The following STX18 variants were observed in gnomAD, a reference collection of about 807,000 sequenced individuals.
STX18 encodes the protein syntaxin 18.
Under a neutral mutation model 50.1 loss-of-function variants are expected in STX18, and 40 were observed. That is an observed-to-expected ratio of 0.80 (90% CI 0.62 to 1.04). STX18 has a LOEUF of 1.04. Ranked by LOEUF, STX18 falls within the 50% of genes least tolerant of loss-of-function variation. The probability of loss-of-function intolerance (pLI) is 0.00; values close to 1 mark genes in which losing one functional copy is unlikely to be tolerated. For synonymous variants in STX18, 158 were observed against 151.8 expected (o/e 1.04, Z -0.30); for missense variants, 410 against 415.8 (o/e 0.99, Z 0.12).
At position 4,505,916 on chromosome 4, in the gene STX18, T is replaced by C. The variant is rs78529130; in HGVS notation, c.169-34210A>G. ...CGGAGACCATGTGTAAATGGACTTA[T>C]GCAATAAGTGGCCCTTTGTGCCTGT... On this transcript the variant is annotated intron_variant, in intron 1 of 10. Transcript: ENST00000306200. 3.7e-3 allele frequency among the ~76,000 whole-genome samples: 569 copies of C among 152,392 alleles called. 6 individuals carry two copies. Among genetic ancestry groups the C allele is most frequent in the African/African-American group, 0.013 (546 of 41,594 alleles).
intron 8 of STX18, among the ~76,000 whole-genome samples, chr4:4,424,098 C>T (rs892185579): frequency 4.0e-5 from 6 of 150,564 alleles, no homozygotes; most frequent in Non-Finnish European, 8.8e-5. Flanking sequence ...AAAAGCTCCT[C>T]TGATTCATTT....
intron 1 of STX18, among the ~76,000 whole-genome samples, chr4:4,491,064 A>G (rs1367466645): frequency 6.6e-6 from 1 of 152,074 alleles, no homozygotes; most frequent in Non-Finnish European, 1.5e-5. Flanking sequence ...TTGTTCAAAC[A>G]TTCGGCTTAT....
chr4:4,530,641 G>C (rs562718128), intron 1 of STX18, among the ~76,000 whole-genome samples: 3 of 152,214 alleles, frequency 2.0e-5, no homozygotes, highest in African/African-American at 7.2e-5. Flanking sequence ...GTTTTGTTTT[G>C]TTTTTCCTAG....
chr4:4,541,695 C>T, intron 1 of STX18, 102 bp downstream of exon 1: 4 of 1,379,244 alleles, frequency 2.9e-6, no homozygotes, highest in Non-Finnish European at 3.9e-6. Context: ...GAGCCACCCC[C>T]TTCACACAAT....
intron 2 of STX18, 40 bp from the exon 3 acceptor site, chr4:4,459,527 G>A (rs73796011): frequency 0.012 from 17,026 of 1,412,066 alleles, 543 homozygotes; most frequent in African/African-American, 0.11. Flanking sequence ...CAGCAAATGA[G>A]AACATAATAT....
chr4:4,528,666 G>A (rs566633222), intron 1 of STX18, among the ~76,000 whole-genome samples: 5 of 152,250 alleles, frequency 3.3e-5, no homozygotes, highest in East Asian at 1.9e-4. Context: ...TGCATCTTTC[G>A]GATTGAGGCC....
intron 5 of STX18, among the ~76,000 whole-genome samples, chr4:4,456,362 T>C (rs1727073767): frequency 6.6e-6 from 1 of 152,216 alleles, no homozygotes; most frequent in African/African-American, 2.4e-5. Context: ...AAAGCTAGTC[T>C]AGAAATGGTC....
At chr4:4,485,506 TGA>T in intron 1 of STX18, among the ~76,000 whole-genome samples, 1 of 152,274 alleles carries the variant, frequency 6.6e-6, no homozygotes, top group African/African-American at 2.4e-5. Flanking sequence ...TCTTCAGTTG[TGA>T]ATCAGAGGAA....
intron 1 of STX18, among the ~76,000 whole-genome samples, chr4:4,486,374 A>G (rs1261276499): frequency 2.0e-5 from 3 of 152,238 alleles, no homozygotes; most frequent in Non-Finnish European, 4.4e-5. Context: ...TGTCAATAAG[A>G]TGGAGGTAAA....
intron 1 of STX18, among the ~76,000 whole-genome samples, chr4:4,501,148 GA>G (rs2108878360): frequency 6.6e-6 from 1 of 152,296 alleles, no homozygotes; most frequent in South Asian, 2.1e-4. Context: ...ATGCTGTAAT[GA>G]ACATCTTTTT....
chr4:4,489,391 ATTTTTTTTTTTTT>A (rs34563523), intron 1 of STX18, among the ~76,000 whole-genome samples: 275 of 51,654 alleles, frequency 5.3e-3, no homozygotes, highest in South Asian at 0.017. Context: ...ATGCAAAATA[ATTTTTTTTTTTTT>A]TTTTTTTTTT....
chr4:4,460,453 CACAA>C (rs1241803801), intron 2 of STX18, among the ~76,000 whole-genome samples: 4 of 151,878 alleles, frequency 2.6e-5, no homozygotes, highest in African/African-American at 4.8e-5. Flanking sequence ...AAACTTAAGG[CACAA>C]ACAAACAGGG....
At chr4:4,424,506 T>C (rs1052105332) in intron 8 of STX18, among the ~76,000 whole-genome samples, 4 of 152,200 alleles carry the variant, frequency 2.6e-5, no homozygotes, top group African/African-American at 7.2e-5. Flanking sequence ...AGGAGGTCCA[T>C]CTCTGAGGGC....
chr4:4,512,334 A>G (rs1387721307), intron 1 of STX18, among the ~76,000 whole-genome samples: 1 of 151,686 alleles, frequency 6.6e-6, no homozygotes, highest in African/African-American at 2.4e-5. Flanking sequence ...CCTAATTCCA[A>G]TTAAAAAAAA....
Position 4,419,895 on chromosome 4 carries a change from T to A in STX18, c.*139A>T. On this transcript the variant is annotated 3_prime_UTR_variant, in exon 11 of 11. Transcript: ENST00000306200. ...GGTATCCCTTTTTGGGGAATACGTC[T>A]GTCTGTCTGAACTCCTTTCCCTTCA... 2 of 711,512 alleles carry A rather than the reference T, an allele frequency of 2.8e-6. 1 individual carries two copies. Among genetic ancestry groups the A allele is most frequent in the East Asian group, 5.5e-5 (2 of 36,474 alleles). 44.1% of individuals were successfully genotyped at this position (711,512 alleles called of 1,614,324 possible).
intron 5 of STX18, among the ~76,000 whole-genome samples, chr4:4,452,526 G>A (rs1266270491): frequency 3.3e-5 from 5 of 152,160 alleles, no homozygotes; most frequent in Non-Finnish European, 5.9e-5. Flanking sequence ...AGCTGAAGCC[G>A]ATGCTCATTT....
intron 1 of STX18, among the ~76,000 whole-genome samples, chr4:4,516,863 T>G (rs1218626107): frequency 6.6e-6 from 1 of 152,200 alleles, no homozygotes; most frequent in African/African-American, 2.4e-5. Context: ...TATAAATTCA[T>G]AGTGAAAAAC....
intron 1 of STX18, among the ~76,000 whole-genome samples, chr4:4,517,323 C>T (rs1730315288): frequency 1.3e-5 from 2 of 151,968 alleles, no homozygotes; most frequent in South Asian, 2.1e-4. Flanking sequence ...ATAGAAACAC[C>T]CCAACATCAG....
At chr4:4,506,947 T>C (rs1284845022) in intron 1 of STX18, 7 of 322,058 alleles carry the variant, frequency 2.2e-5, no homozygotes, top group South Asian at 8.6e-5. Context: ...ATGGGACTAT[T>C]GTACATAAAA....
Sources: gnomAD v4.1 joint callset for allele counts (sites outside exome capture counted in the v4.1 genomes callset) on GRCh38, gnomAD v4.1.1 for gene constraint, MANE v1.5 for transcripts, NCBI Gene and HGNC (gene_info 2026-07-23, HGNC 2026-07-21) for gene names.